The following G3BP1 variants were observed in gnomAD, a reference collection of about 807,000 sequenced individuals.
The protein encoded by G3BP1 is G3BP stress granule assembly factor 1.
In G3BP1, 35 loss-of-function variants were observed where a neutral mutation model predicts 58.6. The ratio of observed to expected loss-of-function variants is 0.60; its 90% CI spans 0.46 to 0.79. The LOEUF (loss-of-function observed/expected upper bound fraction) is 0.79, where lower values mean the gene tolerates loss of function less well. G3BP1 is among the 30% of genes least tolerant of loss of function. The probability of loss-of-function intolerance (pLI) is 0.00; values close to 1 mark genes in which losing one functional copy is unlikely to be tolerated. For missense variants in G3BP1, 523 were observed against 580.8 expected, an observed-to-expected ratio of 0.90 and a Z score of 1.02; for synonymous variants, 191 against 195.4, an observed-to-expected ratio of 0.98 and a Z score of 0.19.
In G3BP1 at chr5:151,811,513, A is replaced by T. The variant is rs1358423899; in HGVS notation, c.*7422A>T. On this transcript the variant is annotated 3_prime_UTR_variant, in exon 12 of 12. Coordinates refer to ENST00000356245, the MANE Select transcript of G3BP1 (RefSeq NM_005754.3). ...CCACAGAAAATTTCAGAAAACTTTA[A>T]TTTTTTTCCATTGGAATCAGCATGG... 2.0e-5 allele frequency: 3 copies of T among 152,134 alleles called. No homozygotes were observed. The highest frequency in any genetic ancestry group is 4.4e-5 in the Non-Finnish European group (3 of 68,012). 9.4% of individuals were successfully genotyped at this position (152,134 alleles called of 1,614,324 possible). A position where few individuals can be genotyped will look rare whatever the true frequency, so the allele number is the denominator to read the frequency against.
At chr5:151,785,218 G>T (rs1203555824) in intron 1 of G3BP1, among the ~76,000 whole-genome samples, 1 of 152,134 alleles carries the variant, frequency 6.6e-6, no homozygotes, top group Admixed American at 6.5e-5. Context: ...CAATACACAT[G>T]CCTGAAGGCA....
Position 151,797,338 on chromosome 5 carries a change from A to G in G3BP1, c.651A>G (p.Pro217=), listed in dbSNP as rs147296160. ...AAATCCAAGAGGAAAAGCCTGAGCC[A>G]GTATTAGAAGAAACTGCCCCTGAGG... ...VSEIQEEKPE[P]VLEETAPEDA... Residue 217 remains proline (P), a synonymous_variant, in exon 7 of 12, where the codon CCA becomes CCG. Coordinates refer to ENST00000356245, the MANE Select transcript of G3BP1 (RefSeq NM_005754.3). The G allele has an allele frequency of 1.1e-5, 18 of 1,614,012 alleles. No individual in the cohort carries two copies. Among genetic ancestry groups the G allele is most frequent in the South Asian group, 7.7e-5 (7 of 91,082 alleles).
chr5:151,796,981 G>C (rs149416244), intron 6 of G3BP1, among the ~76,000 whole-genome samples: 12 of 149,998 alleles, frequency 8.0e-5, no homozygotes, highest in African/African-American at 3.0e-4. Context: ...AAGTGGTTTG[G>C]TTCATTTTGA....
At chr5:151,788,027 C>G (rs961181991) in intron 2 of G3BP1, among the ~76,000 whole-genome samples, 1 of 151,364 alleles carries the variant, frequency 6.6e-6, no homozygotes, top group South Asian at 2.1e-4. Flanking sequence ...TGGGCTCAGA[C>G]GATCCTCCCA....
At chr5:151,791,294 T>C (rs1762647830) in intron 4 of G3BP1, 2 of 382,366 alleles carry the variant, frequency 5.2e-6, no homozygotes. Context: ...ATAATTCTCT[T>C]CCATTCTGTA....
At chr5:151,793,138 T>C (rs1762689268) in intron 4 of G3BP1, among the ~76,000 whole-genome samples, 1 of 152,094 alleles carries the variant, frequency 6.6e-6, no homozygotes, top group African/African-American at 2.4e-5. Flanking sequence ...AGACAAGGTC[T>C]TACTCTGTCG....
intron 2 of G3BP1, among the ~76,000 whole-genome samples, chr5:151,788,885 C>G (rs775215100): frequency 6.6e-6 from 1 of 151,954 alleles, no homozygotes; most frequent in Non-Finnish European, 1.5e-5. Context: ...TCAAGTGGTT[C>G]TCCTGCCTTA....
rs756968753 is a variant in G3BP1, at chr5:151,800,215, A to G, written c.956-3A>G. 3 of 1,611,844 alleles carry G rather than the reference A, an allele frequency of 1.9e-6. No homozygotes were observed. Among genetic ancestry groups the G allele is most frequent in the Non-Finnish European group, 2.5e-6 (3 of 1,179,610 alleles). On this transcript the variant is annotated splice_region_variant and splice_polypyrimidine_tract_variant and intron_variant, in intron 9 of 11. Coordinates refer to ENST00000356245, the MANE Select transcript of G3BP1 (RefSeq NM_005754.3). The stretch of plus-strand genomic sequence containing the variant: ...TTCATTGATGTTTTTGTCTCCTTTT[A>G]AGTCCGTGAGGCTGGTGAGCAAGGT...
At chr5:151,793,810 T>C (rs1581579390) in intron 4 of G3BP1, among the ~76,000 whole-genome samples, 1 of 99,244 alleles carries the variant, frequency 1.0e-5, no homozygotes, top group East Asian at 2.7e-4. Context: ...CCGGGCAATA[T>C]AACAAGATCC....
Position 151,772,001 on chromosome 5 carries a change from G to A in G3BP1, c.-85G>A, listed in dbSNP as rs1174202052. ...GGTTTGTACTATCCTCGGTGCTGTG[G>A]TGCAGAGCTAGTTCCTCTCCAGCTC... On this transcript the variant is annotated 5_prime_UTR_variant, in exon 1 of 12. The change creates a new upstream start codon in the 5' untranslated region. Transcript: ENST00000356245. The A allele has an allele frequency of 6.6e-5, 10 of 152,586 alleles. No homozygotes were observed. Among genetic ancestry groups the A allele is most frequent in the Admixed American group, 6.5e-4 (10 of 15,290 alleles). The allele number at this position is 152,586 out of a possible 1,614,324, so 9.5% of individuals were successfully genotyped here.
chr5:151,798,588 A>G (rs1762795478), intron 7 of G3BP1, among the ~76,000 whole-genome samples: 1 of 152,192 alleles, frequency 6.6e-6, no homozygotes, highest in African/African-American at 2.4e-5. Context: ...TGTACAATGG[A>G]TTGGATGGAA....
intron 1 of G3BP1, among the ~76,000 whole-genome samples, chr5:151,778,174 C>T (rs2113216613): frequency 6.6e-6 from 1 of 152,272 alleles, no homozygotes. Context: ...AAGAAACTCC[C>T]TGTTTTCCAC....
intron 11 of G3BP1, among the ~76,000 whole-genome samples, chr5:151,803,333 G>A (rs1762887029): frequency 6.6e-6 from 1 of 152,002 alleles, no homozygotes. Flanking sequence ...GTCTCACTCT[G>A]TCGCCCATGC....
intron 1 of G3BP1, among the ~76,000 whole-genome samples, chr5:151,783,693 T>A (rs1368557523): frequency 6.6e-6 from 1 of 151,956 alleles, no homozygotes; most frequent in Admixed American, 6.6e-5. Flanking sequence ...TTTTTTTTTT[T>A]AACTGAGAAT....
intron 8 of G3BP1, among the ~76,000 whole-genome samples, 170 bp from the exon 9 acceptor site, chr5:151,799,719 C>A (rs1242453785): frequency 4.7e-5 from 7 of 150,484 alleles, no homozygotes; most frequent in Non-Finnish European, 1.0e-4. Context: ...AATGTAGAAA[C>A]AGAACTGACA....
Position 151,790,261 on chromosome 5 carries a change from G to T in G3BP1, c.96-62G>T, listed in dbSNP as rs1762627465. On this transcript the variant is annotated intron_variant, in intron 2 of 11. Transcript: ENST00000356245. ...AAAAAAAAAAAGTTTGCCAGTATCA[G>T]ACGTGAAAAATAAACTTAAGATACT... 43 of 853,190 alleles carry T rather than the reference G, an allele frequency of 5.0e-5. No homozygotes were observed. The South Asian group carries it at 6.6e-4, about 13-fold the overall frequency. The allele number at this position is 853,190 out of a possible 1,614,324, so 52.9% of individuals were successfully genotyped here.
chr5:151,799,424 G>A, intron 8 of G3BP1, 111 bp downstream of exon 8: 2 of 677,224 alleles, frequency 3.0e-6, no homozygotes, highest in East Asian at 2.7e-5. Flanking sequence ...TGTGGCTCAT[G>A]CCTGTAATCC....
chr5:151,800,068 G>T, intron 9 of G3BP1, 68 bp downstream of exon 9: 1 of 1,207,554 alleles, frequency 8.3e-7, no homozygotes, highest in Non-Finnish European at 1.2e-6. Context: ...TGGGAGGGCA[G>T]TTGATATTTA....
At chr5:151,782,423 C>CA (rs1762484268) in intron 1 of G3BP1, among the ~76,000 whole-genome samples, 1 of 152,184 alleles carries the variant, frequency 6.6e-6, no homozygotes, top group South Asian at 2.1e-4. Flanking sequence ...TGACAACTCT[C>CA]AAACTTTGTC....
Sources: gnomAD v4.1 joint callset for allele counts (sites outside exome capture counted in the v4.1 genomes callset) on GRCh38, gnomAD v4.1.1 for gene constraint, MANE v1.5 for transcripts, NCBI Gene and HGNC (gene_info 2026-07-23, HGNC 2026-07-21) for gene names.